The following TNC variants were observed in gnomAD, a reference collection of about 807,000 sequenced individuals.
TNC encodes the protein tenascin C.
TNC carries 109 observed loss-of-function variants against 202.4 expected under a neutral mutation model. That is an observed-to-expected ratio of 0.54 (90% CI 0.46 to 0.63). The LOEUF (loss-of-function observed/expected upper bound fraction) is 0.63, where lower values mean the gene tolerates loss of function less well. Among genes scored for constraint, TNC ranks in the 30% least tolerant of loss-of-function variants. The pLI is 0.00. For synonymous variants in TNC, 1,007 were observed against 1,089.7 expected (o/e 0.92, Z 1.50); for missense variants, 2,756 against 2,833.3 (o/e 0.97, Z 0.62).
At chr9:115,104,667 CATATGTTAGT>C (rs567633681) in intron 1 of TNC, among the ~76,000 whole-genome samples, 26 of 152,138 alleles carry the variant, frequency 1.7e-4, no homozygotes, top group Non-Finnish European at 3.4e-4. Context: ...AAACGTTACA[CATATGTTAGT>C]ATATCTTCTC....
At chr9:115,105,836 C>A (rs767555592) in intron 1 of TNC, among the ~76,000 whole-genome samples, 1 of 152,166 alleles carries the variant, frequency 6.6e-6, no homozygotes, top group East Asian at 1.9e-4. Context: ...ACAAATTACA[C>A]AACTTTCTTT....
intron 15 of TNC, among the ~76,000 whole-genome samples, chr9:115,052,095 C>T (rs1243957321): frequency 1.4e-5 from 2 of 147,890 alleles, no homozygotes; most frequent in Non-Finnish European, 3.0e-5. Context: ...TATATATATA[C>T]ACATATATAT....
At position 115,064,953 on chromosome 9, in the gene TNC, A is replaced by G. The variant is rs1013312946; in HGVS notation, c.3215-34T>C. On this transcript the variant is annotated intron_variant, in intron 10 of 27. Coordinates refer to ENST00000350763, the MANE Select transcript of TNC (RefSeq NM_002160.4). ...TGACAGAGATGGGGTCAGTTAAACT[A>G]TTCCTCAGAAAGTTTTGCTTCTGAG... 4.4e-6 allele frequency: 7 copies of G among 1,592,404 alleles called. No individual in the cohort carries two copies. The Admixed American group carries it at 1.2e-4, about 27-fold the overall frequency.
rs976972236 is a variant in TNC, at chr9:115,019,979, A to C, written c.*1178T>G. ...AGTATAAAAGCATCTTTTAAACCAT[A>C]ATCTATTAGTCTTGGAAATACTGAG... On this transcript the variant is annotated 3_prime_UTR_variant, in exon 28 of 28. Coordinates refer to ENST00000350763, the MANE Select transcript of TNC (RefSeq NM_002160.4). 1.3e-5 allele frequency: 2 copies of C among 152,176 alleles called. No homozygotes were observed. The highest frequency in any genetic ancestry group is 2.9e-5 in the Non-Finnish European group (2 of 68,026). The allele number at this position is 152,176 out of a possible 1,614,324, so 9.4% of individuals were successfully genotyped here. A position where few individuals can be genotyped will look rare whatever the true frequency, so the allele number is the denominator to read the frequency against.
intron 1 of TNC, among the ~76,000 whole-genome samples, chr9:115,116,668 C>T (rs557543497): frequency 2.1e-4 from 32 of 152,304 alleles, no homozygotes; most frequent in South Asian, 4.1e-4. Context: ...CCAACAGCAT[C>T]GTACTTCATA....
intron 1 of TNC, among the ~76,000 whole-genome samples, chr9:115,102,917 C>A (rs763429545): frequency 6.6e-6 from 1 of 152,174 alleles, no homozygotes; most frequent in Non-Finnish European, 1.5e-5. Flanking sequence ...ATAGCAGGTT[C>A]TTATATTGTG....
chr9:115,054,785 T>C (rs1430120447), intron 15 of TNC, among the ~76,000 whole-genome samples: 1 of 152,230 alleles, frequency 6.6e-6, no homozygotes, highest in African/African-American at 2.4e-5. Context: ...CAAAATTTAA[T>C]GCTCTGAATA....
At chr9:115,040,164 C>T (rs1183356234) in intron 19 of TNC, among the ~76,000 whole-genome samples, 2 of 152,178 alleles carry the variant, frequency 1.3e-5, no homozygotes, top group Non-Finnish European at 1.5e-5. Context: ...AGGAAAGGAA[C>T]TCTTTATTTT....
intron 10 of TNC, among the ~76,000 whole-genome samples, chr9:115,065,864 T>C (rs1404829489): frequency 2.1e-5 from 3 of 141,682 alleles, no homozygotes; most frequent in African/African-American, 8.1e-5. Flanking sequence ...ATTGAGTCAT[T>C]GCACTCTAGC....
In TNC at chr9:115,087,167, G is replaced by C; in HGVS notation, c.564C>G (p.Pro188=). The C allele has an allele frequency of 1.2e-6, 2 of 1,614,192 alleles. No individual in the cohort carries two copies. The highest frequency in any genetic ancestry group is 1.7e-6 in the Non-Finnish European group (2 of 1,180,044). ...GAAGGTGACAGTTGCCTGGACATTC[G>C]GGCTCAGAGCAGTTGGGGCCTTTCC... The part of the protein sequence containing the change: ...PGWKGPNCSE[P]ECPGNCHLRG... Residue 188 remains proline (P), a synonymous_variant, in exon 3 of 28, where the codon CCC becomes CCG. Coordinates refer to ENST00000350763, the MANE Select transcript of TNC (RefSeq NM_002160.4).
In TNC at chr9:115,048,276, C is replaced by A. The variant is rs1831360635; in HGVS notation, c.4836G>T (p.Arg1612Ser). 1 of 1,613,878 alleles carries A rather than the reference C, an allele frequency of 6.2e-7. No individual in the cohort carries two copies. Among genetic ancestry groups the A allele is most frequent in the Non-Finnish European group, 8.5e-7 (1 of 1,179,852 alleles). The change falls in exon 16 of 28, where the codon AGG becomes AGT. Residue 1612 changes from arginine (R) to serine (S), a missense_variant. Arg to Ser is a moderately radical substitution (Grantham distance 110). Coordinates refer to ENST00000350763, the MANE Select transcript of TNC (RefSeq NM_002160.4). Reference sequence around the variant, plus strand: ...TTGAAATACCTGTAACAATCTCAGCCCTCAAGGGCTTGGTTTGATGCCCTT... The same window carrying A: ...TTGAAATACCTGTAACAATCTCAGCACTCAAGGGCTTGGTTTGATGCCCTT... ...FTQGHQTKPL[R>S]AEIVTEAEPE...
chr9:115,047,592 C>G (rs771611169), intron 16 of TNC, among the ~76,000 whole-genome samples: 5 of 152,188 alleles, frequency 3.3e-5, no homozygotes, highest in Non-Finnish European at 7.3e-5. Flanking sequence ...TTAACTCAGT[C>G]TTTCCAAACT....
intron 25 of TNC, 113 bp from the exon 26 acceptor site, chr9:115,026,808 C>T (rs1829522668): frequency 1.4e-6 from 1 of 690,260 alleles, no homozygotes; most frequent in African/African-American, 2.1e-5. Flanking sequence ...CAACTGGGCC[C>T]AGTGGCTCAT....
intron 17 of TNC, among the ~76,000 whole-genome samples, chr9:115,044,392 C>A (rs1165901677): frequency 6.7e-6 from 1 of 149,580 alleles, no homozygotes; most frequent in East Asian, 2.0e-4. Context: ...TAGACACACA[C>A]ACACACACAC....
intron 1 of TNC, among the ~76,000 whole-genome samples, chr9:115,109,471 A>G (rs776800983): frequency 6.6e-6 from 1 of 152,184 alleles, no homozygotes; most frequent in Non-Finnish European, 1.5e-5. Flanking sequence ...CTTAACCATT[A>G]TTCATTTCTT....
At chr9:115,101,054 T>A (rs1836195069) in intron 1 of TNC, among the ~76,000 whole-genome samples, 1 of 152,166 alleles carries the variant, frequency 6.6e-6, no homozygotes, top group Admixed American at 6.5e-5. Context: ...AGTTTTTTAC[T>A]TTTCTGTCTA....
chr9:115,086,347 C>G lies in TNC; in HGVS notation c.1384G>C (p.Gly462Arg). The change falls in exon 3 of 28, where the codon GGC becomes CGC. Residue 462 changes from glycine to arginine, a missense_variant. Physicochemically the swap from Gly to Arg is moderately radical, Grantham distance 125. Coordinates refer to ENST00000350763, the MANE Select transcript of TNC (RefSeq NM_002160.4). ...CAGCTCATGTCACTGCAGTCATAGC[C>G]CTTGAAGCCTTGCTCACATACACAT... ...GKCVCEQGFK[G>R]YDCSDMSCPN... 1 of 1,614,206 alleles carries G rather than the reference C, an allele frequency of 6.2e-7. No homozygotes were observed.
intron 9 of TNC, 79 bp from the exon 10 acceptor site, chr9:115,073,945 TG>T: frequency 6.9e-7 from 1 of 1,451,882 alleles, no homozygotes; most frequent in Non-Finnish European, 9.3e-7. Context: ...CAACTGCATC[TG>T]GGCTGGAATC....
intron 1 of TNC, among the ~76,000 whole-genome samples, chr9:115,110,479 A>G (rs1231814012): frequency 1.3e-5 from 2 of 152,080 alleles, no homozygotes; most frequent in Non-Finnish European, 2.9e-5. Context: ...TAAGATCTGA[A>G]CTACAGGGGT....
Sources: gnomAD v4.1 joint callset for allele counts (sites outside exome capture counted in the v4.1 genomes callset) on GRCh38, gnomAD v4.1.1 for gene constraint, MANE v1.5 for transcripts, NCBI Gene and HGNC (gene_info 2026-07-23, HGNC 2026-07-21) for gene names.